The following TBC1D22A variants were observed in gnomAD, a reference collection of about 807,000 sequenced individuals.
TBC1D22A encodes the protein TBC1 domain family member 22A.
In TBC1D22A, 38 loss-of-function variants were observed where a neutral mutation model predicts 60.2. That is an observed-to-expected ratio of 0.63 (90% CI 0.49 to 0.83). TBC1D22A has a LOEUF of 0.83. Among genes scored for constraint, TBC1D22A ranks in the 40% least tolerant of loss-of-function variants. The pLI is 0.00. For synonymous variants in TBC1D22A, 302 were observed against 281.7 expected (o/e 1.07, Z -0.72); for missense variants, 628 against 701.0 (o/e 0.90, Z 1.18).
At chr22:46,771,639 G>C (rs809033) in intron 1 of TBC1D22A, among the ~76,000 whole-genome samples, 1 of 151,014 alleles carries the variant, frequency 6.6e-6, no homozygotes, top group Non-Finnish European at 1.5e-5. Context: ...CTGTTGCCCA[G>C]GCTGGAGTGG....
At chr22:47,159,713 CACACT>C (rs898381067) in intron 12 of TBC1D22A, among the ~76,000 whole-genome samples, 4 of 151,636 alleles carry the variant, frequency 2.6e-5, no homozygotes, top group African/African-American at 9.7e-5. Flanking sequence ...TATACACACG[CACACT>C]ACACAAACAC....
intron 10 of TBC1D22A, among the ~76,000 whole-genome samples, chr22:47,026,558 G>A (rs567563065): frequency 1.3e-5 from 2 of 152,102 alleles, no homozygotes; most frequent in African/African-American, 4.8e-5. Flanking sequence ...TTTAGCAAGG[G>A]TTCAGGATAC....
chr22:46,847,684 T>C (rs1482039968), intron 4 of TBC1D22A, among the ~76,000 whole-genome samples: 1 of 152,206 alleles, frequency 6.6e-6, no homozygotes, highest in East Asian at 1.9e-4. Context: ...GTTAGGACTT[T>C]TGAGTCCTTT....
chr22:47,147,458 G>A (rs191108489), intron 12 of TBC1D22A, among the ~76,000 whole-genome samples: 4 of 152,228 alleles, frequency 2.6e-5, no homozygotes, highest in East Asian at 1.9e-4. Context: ...GTGGTCTGTC[G>A]GAGGGCTCCC....
At chr22:47,018,555 C>T (rs920130888) in intron 10 of TBC1D22A, among the ~76,000 whole-genome samples, 12 of 152,112 alleles carry the variant, frequency 7.9e-5, no homozygotes, top group South Asian at 4.2e-4. Flanking sequence ...CTTGGGCTGA[C>T]GACACACATT....
At chr22:47,085,189 A>G (rs1969891945) in intron 11 of TBC1D22A, among the ~76,000 whole-genome samples, 1 of 152,218 alleles carries the variant, frequency 6.6e-6, no homozygotes, top group African/African-American at 2.4e-5. Context: ...CTGAGGCATG[A>G]GAATTGCTTG....
intron 4 of TBC1D22A, among the ~76,000 whole-genome samples, chr22:46,861,288 A>C (rs2087870248): frequency 6.6e-6 from 1 of 152,194 alleles, no homozygotes; most frequent in Admixed American, 6.5e-5. Flanking sequence ...TTAACAGTTA[A>C]TTGTAGGACA....
intron 11 of TBC1D22A, among the ~76,000 whole-genome samples, chr22:47,090,596 C>T (rs1459826171): frequency 6.6e-6 from 1 of 152,210 alleles, no homozygotes; most frequent in East Asian, 1.9e-4. Context: ...GTCCTGGTAG[C>T]CACAGCCTCT....
intron 12 of TBC1D22A, among the ~76,000 whole-genome samples, chr22:47,161,019 A>G (rs2067961580): frequency 6.6e-6 from 1 of 152,154 alleles, no homozygotes; most frequent in Non-Finnish European, 1.5e-5. Flanking sequence ...GGTGCTGGGA[A>G]GAAGGGGGGC....
chr22:46,782,949 C>T (rs1351583687), intron 1 of TBC1D22A, among the ~76,000 whole-genome samples: 1 of 152,166 alleles, frequency 6.6e-6, no homozygotes, highest in Non-Finnish European at 1.5e-5. Flanking sequence ...TGTGTATTTT[C>T]ATTTCTCTTG....
chr22:47,021,118 C>A (rs140405986), intron 10 of TBC1D22A, among the ~76,000 whole-genome samples: 1 of 152,020 alleles, frequency 6.6e-6, no homozygotes, highest in East Asian at 1.9e-4. Context: ...CTTTGTGAAG[C>A]CCTGAGCAGG....
At chr22:47,035,828 C>T (rs918929510) in intron 10 of TBC1D22A, among the ~76,000 whole-genome samples, 1 of 152,208 alleles carries the variant, frequency 6.6e-6, no homozygotes, top group Non-Finnish European at 1.5e-5. Context: ...CCGGCACCCG[C>T]ATGTCTTAGT....
At chr22:47,173,373 C>A in intron 12 of TBC1D22A, 125 bp from the exon 13 acceptor site, 2 of 1,301,720 alleles carry the variant, frequency 1.5e-6, no homozygotes, top group South Asian at 1.4e-5. Context: ...TCCTGGATCA[C>A]CCGCCCTGCA....
Position 46,894,774 on chromosome 22 carries a change from G to C in TBC1D22A, c.838-10G>C, listed in dbSNP as rs1225360841. The stretch of plus-strand genomic sequence containing the variant: ...CGTAACATAAATGTCCGTTTCTCCT[G>C]CTTCTCCAGATCCACATAGACATCC... On this transcript the variant is annotated splice_polypyrimidine_tract_variant and intron_variant, in intron 6 of 12. Coordinates refer to ENST00000337137, the MANE Select transcript of TBC1D22A (RefSeq NM_014346.5). 1.9e-6 allele frequency: 3 copies of C among 1,614,032 alleles called. No homozygotes were observed. Among genetic ancestry groups the C allele is most frequent in the Non-Finnish European group, 2.5e-6 (3 of 1,180,028 alleles).
At chr22:47,066,975 A>AG in intron 11 of TBC1D22A, among the ~76,000 whole-genome samples, 1 of 152,190 alleles carries the variant, frequency 6.6e-6, no homozygotes, top group Non-Finnish European at 1.5e-5. Flanking sequence ...TTTTAAAAAA[A>AG]CTCATTTTGG....
intron 12 of TBC1D22A, among the ~76,000 whole-genome samples, chr22:47,167,868 T>C (rs2068267533): frequency 6.6e-6 from 1 of 152,206 alleles, no homozygotes; most frequent in Non-Finnish European, 1.5e-5. Context: ...AACTGGCAGT[T>C]AGGTGCTCAG....
At chr22:46,851,884 G>C (rs1431249983) in intron 4 of TBC1D22A, among the ~76,000 whole-genome samples, 1 of 152,166 alleles carries the variant, frequency 6.6e-6, no homozygotes, top group Non-Finnish European at 1.5e-5. Flanking sequence ...ATGTCATGTT[G>C]GTCAAAGTAG....
intron 4 of TBC1D22A, among the ~76,000 whole-genome samples, chr22:46,860,898 C>T (rs572044144): frequency 6.6e-6 from 1 of 152,222 alleles, no homozygotes; most frequent in Non-Finnish European, 1.5e-5. Flanking sequence ...AGGTGCACAT[C>T]AGCTTCCACT....
chr22:46,974,601 G>A (rs568230493), intron 9 of TBC1D22A, among the ~76,000 whole-genome samples: 162 of 152,322 alleles, frequency 1.1e-3, no homozygotes, highest in Middle Eastern at 3.4e-3. Context: ...TTCTGGGCAC[G>A]GTCACGTGTC....
Sources: allele counts gnomAD v4.1 joint callset (sites outside exome capture counted in the v4.1 genomes callset), GRCh38; gene constraint gnomAD v4.1.1; transcripts MANE v1.5; gene names NCBI Gene and HGNC (gene_info 2026-07-23, HGNC 2026-07-21).